The following CLDN16 variants were observed in gnomAD, a reference collection of about 807,000 sequenced individuals.
The protein encoded by CLDN16 is claudin-16.
CLDN16 carries 13 observed loss-of-function variants against 24.6 expected under a neutral mutation model. That is an observed-to-expected ratio of 0.53 (90% CI 0.34 to 0.84). The LOEUF (loss-of-function observed/expected upper bound fraction) is 0.84. CLDN16 is among the 40% of genes least tolerant of loss of function. CLDN16 has a pLI of 0.01. For synonymous variants in CLDN16, 116 were observed against 106.7 expected, an observed-to-expected ratio of 1.09 and a Z score of -0.54; for missense variants, 298 against 292.7, an observed-to-expected ratio of 1.02 and a Z score of -0.13.
chr3:190,348,308 A>C lies in CLDN16; in HGVS notation n.122-22585A>C, dbSNP rs1397795126. 2.7e-5 allele frequency among the ~76,000 whole-genome samples: 4 copies of C among 146,284 alleles called. No homozygotes were observed. In the Admixed American group the frequency reaches 2.7e-4, roughly 10 times the overall value. Reference sequence around the variant, plus strand: ...AAAAAAAAAAAAAAGATGAGACCACAATGTCAAGGAAGACAGCAAGACTGC... The same window carrying C: ...AAAAAAAAAAAAAAGATGAGACCACCATGTCAAGGAAGACAGCAAGACTGC... On this transcript the variant is annotated intron_variant and non_coding_transcript_variant, in intron 1 of 4. Transcript: ENST00000468220.
chr3:190,351,789 A>T (rs976504050), intron 1 of CLDN16, among the ~76,000 whole-genome samples: 1 of 152,162 alleles, frequency 6.6e-6, no homozygotes, highest in African/African-American at 2.4e-5. Flanking sequence ...CAGTCAAAAA[A>T]TCACAAAAAC....
intron 1 of CLDN16, among the ~76,000 whole-genome samples, chr3:190,354,313 G>C (rs1320062711): frequency 1.3e-5 from 2 of 152,000 alleles, no homozygotes; most frequent in Non-Finnish European, 2.9e-5. Context: ...TTTAATAAAG[G>C]TGTGATAGGT....
chr3:190,340,699 C>A (rs112346554), intron 1 of CLDN16, among the ~76,000 whole-genome samples: 5,959 of 152,226 alleles, frequency 0.039, 389 homozygotes, highest in African/African-American at 0.13. Flanking sequence ...AGTCCCCCAA[C>A]ATCTTAACTC....
At chr3:190,393,910 C>T (rs1475357699) in intron 1 of CLDN16, among the ~76,000 whole-genome samples, 1 of 151,870 alleles carries the variant, frequency 6.6e-6, no homozygotes, top group Non-Finnish European at 1.5e-5. Flanking sequence ...ACCACCACAC[C>T]CGGCTAATTT....
intron 1 of CLDN16, among the ~76,000 whole-genome samples, chr3:190,361,145 T>C (rs1433400620): frequency 1.3e-5 from 2 of 152,034 alleles, no homozygotes; most frequent in Non-Finnish European, 1.5e-5. Context: ...ATGATTTCAT[T>C]CTTTCATTGA....
At chr3:190,297,294 C>T in the CLDN16 span, among the ~76,000 whole-genome samples, 112 of 151,486 alleles carry the variant, frequency 7.4e-4, no homozygotes, top group Non-Finnish European at 1.2e-3. Flanking sequence ...ATATGGAATT[C>T]TCAATGCTGA....
At chr3:190,350,565 A>C (rs1717651030) in intron 1 of CLDN16, among the ~76,000 whole-genome samples, 1 of 152,182 alleles carries the variant, frequency 6.6e-6, no homozygotes, top group Admixed American at 6.6e-5. Flanking sequence ...GTAAAGGGAA[A>C]GGCCTCTGGA....
intron 1 of CLDN16, among the ~76,000 whole-genome samples, chr3:190,337,210 C>T (rs1172950241): frequency 6.6e-6 from 1 of 152,122 alleles, no homozygotes. Flanking sequence ...ACTTGTAATC[C>T]AATTTTGTTG....
intron 1 of CLDN16, among the ~76,000 whole-genome samples, chr3:190,360,514 A>G (rs893481307): frequency 2.6e-5 from 4 of 151,988 alleles, no homozygotes; most frequent in African/African-American, 9.7e-5. Flanking sequence ...CAGAGTTGAA[A>G]TAGGGAGGAT....
the CLDN16 span, among the ~76,000 whole-genome samples, chr3:190,290,391 TA>T: frequency 3.3e-5 from 5 of 152,222 alleles, no homozygotes; most frequent in African/African-American, 1.2e-4. Flanking sequence ...CTGTGAAGGC[TA>T]AAAGAATGGC....
At position 190,398,353 on chromosome 3, in the gene CLDN16, G is replaced by A. The variant is rs150677074; in HGVS notation, c.115-3984G>A. Among the ~76,000 whole-genome samples, 428 of 152,304 alleles carry A rather than the reference G, an allele frequency of 2.8e-3. 1 individual carries two copies. Among genetic ancestry groups the A allele is most frequent in the Admixed American group, 5.9e-3 (90 of 15,302 alleles). On this transcript the variant is annotated intron_variant, in intron 1 of 4. Coordinates refer to ENST00000264734, the MANE Select transcript of CLDN16 (RefSeq NM_006580.4). ...GCCCCTGAAAGTTCTGGAAGAATCC[G>A]TTCTTAGCCTCTTCCAGCTTCTGGT...
upstream of CLDN16, among the ~76,000 whole-genome samples, chr3:190,387,362 GT>G (rs11391446): frequency 6.6e-6 from 1 of 151,086 alleles, no homozygotes; most frequent in African/African-American, 2.4e-5. Context: ...TAATATAACA[GT>G]TTTTTTTTCT....
At chr3:190,409,253 C>CATGTATATATGCACACATGTATATGT (rs1553809815) in intron 4 of CLDN16, among the ~76,000 whole-genome samples, 13,583 of 104,238 alleles carry the variant, frequency 0.13, 2,363 homozygotes, top group African/African-American at 0.25. Context: ...CACGTATATG[C>CATGTATATATGCACACATGTATATGT]ATGTATATAT....
chr3:190,364,472 G>T (rs1038955771), intron 1 of CLDN16, among the ~76,000 whole-genome samples: 8 of 151,892 alleles, frequency 5.3e-5, no homozygotes, highest in African/African-American at 1.9e-4. Context: ...TGGCCAAATG[G>T]TTCCTGTTGT....
At chr3:190,382,032 A>G (rs1036105767) in intron 3 of CLDN16, among the ~76,000 whole-genome samples, 1 of 152,110 alleles carries the variant, frequency 6.6e-6, no homozygotes, top group African/African-American at 2.4e-5. Context: ...AAAGAAAAAA[A>G]AAAGCCTCAA....
At chr3:190,305,398 A>G in the CLDN16 span, among the ~76,000 whole-genome samples, 1 of 152,238 alleles carries the variant, frequency 6.6e-6, no homozygotes, top group African/African-American at 2.4e-5. Flanking sequence ...TTAAGTTTGC[A>G]CAGTGCTTTA....
At chr3:190,361,327 A>G (rs1717883035) in intron 1 of CLDN16, among the ~76,000 whole-genome samples, 1 of 152,006 alleles carries the variant, frequency 6.6e-6, no homozygotes, top group Non-Finnish European at 1.5e-5. Context: ...GGAAATTATG[A>G]CAGTGAAAGG....
At position 190,330,405 on chromosome 3, in the gene CLDN16, G is replaced by C. The variant is rs114249869; in HGVS notation, n.121+7744G>C. 4.4e-3 allele frequency among the ~76,000 whole-genome samples: 666 copies of C among 152,306 alleles called. 6 individuals are homozygous for C. The highest frequency in any genetic ancestry group is 0.017 in the Middle Eastern group (5 of 294). ...TAAGTCAATATGGTAAAAATGGCAA[G>C]AAGCATGAGCTGTAGCTTCAGATTG... On this transcript the variant is annotated intron_variant and non_coding_transcript_variant, in intron 1 of 4. Transcript: ENST00000468220.
At chr3:190,312,840 G>C in the CLDN16 span, 1 of 1,611,014 alleles carries the variant, frequency 6.2e-7, no homozygotes, top group Non-Finnish European at 8.5e-7. Context: ...GAACAGGTTA[G>C]TAAGGTGAAA....
Sources: gnomAD v4.1 joint callset for allele counts (sites outside exome capture counted in the v4.1 genomes callset) on GRCh38, gnomAD v4.1.1 for gene constraint, MANE v1.5 for transcripts, NCBI Gene and HGNC (gene_info 2026-07-23, HGNC 2026-07-21) for gene names.